The following DLG2 variants were observed in gnomAD, a reference collection of about 807,000 sequenced individuals.
DLG2 encodes discs large MAGUK scaffold protein 2.
DLG2 carries 45 observed loss-of-function variants against 132.5 expected under a neutral mutation model. That is an observed-to-expected ratio of 0.34 (90% CI 0.27 to 0.44). The LOEUF (loss-of-function observed/expected upper bound fraction) is 0.44. DLG2 is among the 20% of genes least tolerant of loss of function. DLG2 has a pLI of 1.00. For missense variants in DLG2, 1,045 were observed against 1,196.9 expected, an observed-to-expected ratio of 0.87 and a Z score of 1.87; for synonymous variants, 424 against 419.6, an observed-to-expected ratio of 1.01 and a Z score of -0.13.
chr11:83,849,382 T>C (rs562741572), intron 16 of DLG2, among the ~76,000 whole-genome samples: 6 of 151,176 alleles, frequency 4.0e-5, no homozygotes, highest in African/African-American at 1.2e-4. Context: ...CATTCAAATG[T>C]TTATCGAGCA....
chr11:85,030,722 T>C (rs1382829853), intron 6 of DLG2, among the ~76,000 whole-genome samples: 1 of 152,170 alleles, frequency 6.6e-6, no homozygotes, highest in African/African-American at 2.4e-5. Context: ...GTATTATTTA[T>C]ACTTTAAAAT....
chr11:83,820,577 C>T (rs1430901252), intron 17 of DLG2, among the ~76,000 whole-genome samples: 1 of 152,108 alleles, frequency 6.6e-6, no homozygotes, highest in Non-Finnish European at 1.5e-5. Context: ...TGATTTGTCT[C>T]ATCTTTTATG....
chr11:83,898,399 T>C (rs1416959295), intron 15 of DLG2, among the ~76,000 whole-genome samples: 1 of 152,082 alleles, frequency 6.6e-6, no homozygotes, highest in Non-Finnish European at 1.5e-5. Flanking sequence ...GTGTCTAAAA[T>C]TGTAAATTAT....
At chr11:85,164,810 G>A (rs1566956569) in intron 4 of DLG2, among the ~76,000 whole-genome samples, 1 of 152,154 alleles carries the variant, frequency 6.6e-6, no homozygotes, top group South Asian at 2.1e-4. Flanking sequence ...TTCTGGGTAA[G>A]AAAACAGAAC....
chr11:84,193,736 G>C (rs1409216590), intron 8 of DLG2, among the ~76,000 whole-genome samples: 1 of 152,178 alleles, frequency 6.6e-6, no homozygotes. Flanking sequence ...CAGTTCAGCT[G>C]AAATTATGGT....
chr11:85,099,352 G>A (rs889292551), intron 6 of DLG2, among the ~76,000 whole-genome samples: 1 of 152,196 alleles, frequency 6.6e-6, no homozygotes, highest in Non-Finnish European at 1.5e-5. Flanking sequence ...AGTCAGAACA[G>A]TAAGCAGATG....
intron 7 of DLG2, among the ~76,000 whole-genome samples, chr11:84,431,167 C>A (rs1601991572): frequency 6.6e-6 from 1 of 152,286 alleles, no homozygotes; most frequent in Non-Finnish European, 1.5e-5. Context: ...CATAAACCTA[C>A]ATGATTTTAT....
intron 4 of DLG2, among the ~76,000 whole-genome samples, chr11:85,217,598 C>G (rs1305760634): frequency 6.6e-6 from 1 of 152,158 alleles, no homozygotes; most frequent in East Asian, 1.9e-4. Flanking sequence ...TAGTTAGAGC[C>G]TTTCTATGTC....
chr11:84,855,114 C>T (rs1274904315), intron 6 of DLG2, among the ~76,000 whole-genome samples: 1 of 151,996 alleles, frequency 6.6e-6, no homozygotes, highest in African/African-American at 2.4e-5. Flanking sequence ...ACTAGAGAGG[C>T]TTATTCATGA....
chr11:85,349,693 G>A (rs1449317198), intron 3 of DLG2, among the ~76,000 whole-genome samples: 7 of 151,934 alleles, frequency 4.6e-5, no homozygotes, highest in Admixed American at 3.3e-4. Flanking sequence ...TAGTTTGCTG[G>A]GAATGATGGT....
chr11:84,682,494 T>C (rs745520407), intron 6 of DLG2, among the ~76,000 whole-genome samples: 75 of 152,318 alleles, frequency 4.9e-4, no homozygotes, highest in Admixed American at 2.5e-3. Flanking sequence ...AGAGGTGCCA[T>C]GGAGAGTGGG....
intron 3 of DLG2, among the ~76,000 whole-genome samples, chr11:85,342,484 C>T (rs1450188497): frequency 6.6e-6 from 1 of 152,144 alleles, no homozygotes; most frequent in Non-Finnish European, 1.5e-5. Context: ...ATAATGCCTT[C>T]TTCTAGAATA....
At chr11:84,397,662 T>C (rs2098815493) in intron 7 of DLG2, among the ~76,000 whole-genome samples, 2 of 152,340 alleles carry the variant, frequency 1.3e-5, no homozygotes, top group Admixed American at 6.5e-5. Context: ...GCCAACTCAG[T>C]TGAACATTGA....
intron 7 of DLG2, among the ~76,000 whole-genome samples, chr11:84,331,123 C>T (rs966288605): frequency 1.3e-5 from 2 of 152,172 alleles, no homozygotes; most frequent in African/African-American, 4.8e-5. Flanking sequence ...CTTGCAGCCA[C>T]AAGCAAGAGG....
chr11:85,528,969 T>C (rs1428858421), intron 3 of DLG2, among the ~76,000 whole-genome samples: 3 of 152,228 alleles, frequency 2.0e-5, no homozygotes, highest in South Asian at 4.1e-4. Context: ...AATTGTGGAA[T>C]ATTCATAACA....
intron 11 of DLG2, among the ~76,000 whole-genome samples, chr11:83,996,612 TAC>T (rs1338761114): frequency 1.3e-5 from 2 of 152,140 alleles, no homozygotes; most frequent in African/African-American, 4.8e-5. Flanking sequence ...ATGGTACACA[TAC>T]ACAATGGAGA....
chr11:85,627,524 G>C (rs1315212648), upstream of DLG2: 3 of 152,178 alleles, frequency 2.0e-5, no homozygotes, highest in African/African-American at 4.8e-5. Context: ...CTGAGACTTC[G>C]AGAGAAGCCA....
intron 8 of DLG2, among the ~76,000 whole-genome samples, chr11:84,182,535 G>GA (rs1188579994): frequency 6.2e-5 from 9 of 145,222 alleles, no homozygotes; most frequent in South Asian, 2.2e-4. Context: ...TCTCAAAAAA[G>GA]AAAAAAAAAG....
At chr11:83,557,914 T>C (rs1279508658) in intron 19 of DLG2, among the ~76,000 whole-genome samples, 2 of 152,144 alleles carry the variant, frequency 1.3e-5, no homozygotes, top group Admixed American at 6.6e-5. Flanking sequence ...TTAGATCAAT[T>C]CTGGCAGGAA....
Sources: allele counts gnomAD v4.1 joint callset (sites outside exome capture counted in the v4.1 genomes callset), GRCh38; gene constraint gnomAD v4.1.1; transcripts MANE v1.5; gene names NCBI Gene and HGNC (gene_info 2026-07-23, HGNC 2026-07-21).